CNOT4: variants seen among roughly 807,000 people sequenced by gnomAD.
CNOT4 encodes CCR4-NOT transcription complex subunit 4, also known as CCR4-associated factor 4.
CNOT4 carries 8 observed loss-of-function variants against 73.8 expected under a neutral mutation model. The ratio of observed to expected loss-of-function variants is 0.11; its 90% CI spans 0.06 to 0.20. The LOEUF (loss-of-function observed/expected upper bound fraction) is 0.20. CNOT4 is among the 10% of genes least tolerant of loss of function. The pLI is 1.00. For synonymous variants in CNOT4, 293 were observed against 321.1 expected (o/e 0.91, Z 0.94); for missense variants, 564 against 883.4 (o/e 0.64, Z 4.58).
chr7:135,436,102 A>T (rs1012556960), intron 2 of CNOT4, among the ~76,000 whole-genome samples: 2 of 151,862 alleles, frequency 1.3e-5, no homozygotes, highest in African/African-American at 4.8e-5. Flanking sequence ...TGTCTTTCAG[A>T]GATTCCTCAC....
At chr7:135,378,394 T>C (rs542616738) in intron 10 of CNOT4, among the ~76,000 whole-genome samples, 1 of 151,474 alleles carries the variant, frequency 6.6e-6, no homozygotes, top group South Asian at 2.1e-4. Context: ...ATCCCAGCTA[T>C]TTGGGAGGCT....
intron 10 of CNOT4, among the ~76,000 whole-genome samples, chr7:135,375,624 T>C (rs979152447): frequency 5.9e-5 from 9 of 152,180 alleles, no homozygotes; most frequent in African/African-American, 1.7e-4. Context: ...TGTTAGTTTT[T>C]TTAAAAGGCG....
intron 10 of CNOT4, among the ~76,000 whole-genome samples, chr7:135,384,132 G>T (rs1795989080): frequency 6.6e-6 from 1 of 151,678 alleles, no homozygotes; most frequent in African/African-American, 2.4e-5. Flanking sequence ...CCTTTAAAAG[G>T]CTCCCAATTC....
At chr7:135,474,130 C>T (rs971795524) in intron 1 of CNOT4, among the ~76,000 whole-genome samples, 4 of 151,376 alleles carry the variant, frequency 2.6e-5, no homozygotes, top group African/African-American at 9.7e-5. Flanking sequence ...CAGGTACCTG[C>T]CACTGGGCCC....
At chr7:135,417,047 T>G (rs1294950279) in intron 3 of CNOT4, among the ~76,000 whole-genome samples, 1 of 152,254 alleles carries the variant, frequency 6.6e-6, no homozygotes, top group Non-Finnish European at 1.5e-5. Flanking sequence ...TATTGATGTT[T>G]CATGGTACCT....
chr7:135,402,251 G>A lies in CNOT4; in HGVS notation c.822-4025C>T, dbSNP rs146440688. On this transcript the variant is annotated intron_variant, in intron 7 of 11. Coordinates refer to ENST00000541284, the MANE Select transcript of CNOT4 (RefSeq NM_001190850.2). ...CAGCCTCCCGAATAGCTGAGATTAC[G>A]GATGTATGCCACCATGCCTGGCTAA... Among the ~76,000 whole-genome samples, 1,060 of 151,758 alleles carry A rather than the reference G, an allele frequency of 7.0e-3. 7 individuals are homozygous for A. The highest frequency in any genetic ancestry group is 0.01 in the Non-Finnish European group (698 of 67,902).
intron 4 of CNOT4, among the ~76,000 whole-genome samples, chr7:135,414,822 TAAC>T (rs1442089107): frequency 3.9e-5 from 6 of 152,106 alleles, no homozygotes; most frequent in Non-Finnish European, 7.4e-5. Flanking sequence ...TTCTATCTGA[TAAC>T]AGCAGCATAA....
intron 3 of CNOT4, among the ~76,000 whole-genome samples, chr7:135,418,488 C>G (rs935484344): frequency 3.9e-5 from 6 of 152,084 alleles, no homozygotes; most frequent in Non-Finnish European, 8.8e-5. Flanking sequence ...GGAAAACAGT[C>G]AAGTATTCAT....
intron 1 of CNOT4, among the ~76,000 whole-genome samples, chr7:135,500,812 A>G (rs1470162347): frequency 2.6e-5 from 4 of 152,174 alleles, no homozygotes; most frequent in Non-Finnish European, 5.9e-5. Flanking sequence ...ACCGTTCTGA[A>G]CTAATATACA....
chr7:135,402,490 A>G (rs1797053841), intron 7 of CNOT4, among the ~76,000 whole-genome samples: 1 of 152,202 alleles, frequency 6.6e-6, no homozygotes, highest in African/African-American at 2.4e-5. Context: ...ATATATGCAC[A>G]AAATATATAC....
intron 10 of CNOT4, among the ~76,000 whole-genome samples, chr7:135,378,229 C>T (rs569098969): frequency 3.3e-5 from 5 of 152,280 alleles, no homozygotes; most frequent in African/African-American, 1.2e-4. Flanking sequence ...GAAGGCTGGG[C>T]GCAGTGGGTC....
At chr7:135,437,178 GCTTTT>G (rs146097900) in intron 2 of CNOT4, among the ~76,000 whole-genome samples, 13,012 of 151,540 alleles carry the variant, frequency 0.086, 657 homozygotes, top group East Asian at 0.15. Flanking sequence ...GTTAGGAGGG[GCTTTT>G]CTTTTCTTTT....
chr7:135,476,106 T>G (rs902288608), intron 1 of CNOT4, among the ~76,000 whole-genome samples: 2 of 152,104 alleles, frequency 1.3e-5, no homozygotes, highest in Non-Finnish European at 2.9e-5. Context: ...TCAAAAAATG[T>G]AGTAAAAAGA....
At chr7:135,369,143 G>A (rs973981356) in intron 10 of CNOT4, among the ~76,000 whole-genome samples, 4 of 152,170 alleles carry the variant, frequency 2.6e-5, no homozygotes, top group Non-Finnish European at 2.9e-5. Flanking sequence ...GGTACCATGT[G>A]AGATTTAATT....
At chr7:135,493,173 A>ATGGT (rs897609586) in intron 1 of CNOT4, among the ~76,000 whole-genome samples, 3 of 152,034 alleles carry the variant, frequency 2.0e-5, no homozygotes, top group East Asian at 1.9e-4. Context: ...GAGCAGGAAA[A>ATGGT]TGGTTGGTTG....
At chr7:135,503,677 T>C (rs1023846318) in intron 1 of CNOT4, among the ~76,000 whole-genome samples, 4 of 152,154 alleles carry the variant, frequency 2.6e-5, no homozygotes, top group African/African-American at 7.2e-5. Flanking sequence ...AAGGAAGACA[T>C]AGGTCCCTAC....
chr7:135,438,839 CAA>C (rs1799309789), intron 1 of CNOT4, among the ~76,000 whole-genome samples: 1 of 152,016 alleles, frequency 6.6e-6, no homozygotes, highest in Non-Finnish European at 1.5e-5. Flanking sequence ...CGAATGAAAA[CAA>C]GATACTTCAA....
chr7:135,501,266 T>C (rs867764473), intron 1 of CNOT4, among the ~76,000 whole-genome samples: 70 of 152,188 alleles, frequency 4.6e-4, no homozygotes, highest in African/African-American at 1.5e-3. Flanking sequence ...ATTACAGGTG[T>C]GAGCCACCAC....
chr7:135,422,707 T>G (rs1320542264), intron 2 of CNOT4, among the ~76,000 whole-genome samples: 1 of 152,180 alleles, frequency 6.6e-6, no homozygotes, highest in Non-Finnish European at 1.5e-5. Flanking sequence ...GTGTAAGTTC[T>G]TGCATCTAAA....
Sources: allele counts gnomAD v4.1 joint callset (sites outside exome capture counted in the v4.1 genomes callset), GRCh38; gene constraint gnomAD v4.1.1; transcripts MANE v1.5; gene names NCBI Gene and HGNC (gene_info 2026-07-23, HGNC 2026-07-21).